PHACTR1: variants seen among roughly 807,000 people sequenced by gnomAD.
PHACTR1 encodes the protein phosphatase and actin regulator 1.
In PHACTR1, 16 loss-of-function variants were observed where a neutral mutation model predicts 69.2. The observed-to-expected ratio is 0.23, with a 90% confidence interval of 0.16 to 0.35. The LOEUF (loss-of-function observed/expected upper bound fraction) is 0.35, where lower values mean the gene tolerates loss of function less well. PHACTR1 is among the 10% of genes least tolerant of loss of function. PHACTR1 has a pLI of 1.00. For missense variants in PHACTR1, 510 were observed against 734.7 expected, an observed-to-expected ratio of 0.69 and a Z score of 3.54; for synonymous variants, 312 against 284.5, an observed-to-expected ratio of 1.10 and a Z score of -0.97.
At chr6:13,285,951 T>G (rs1781599395) in intron 13 of PHACTR1, among the ~76,000 whole-genome samples, 195 bp from the exon 14 acceptor site, 1 of 152,246 alleles carries the variant, frequency 6.6e-6, no homozygotes, top group Non-Finnish European at 1.5e-5. Flanking sequence ...ATTTGCAACT[T>G]AGATTTAGGG....
intron 4 of PHACTR1, among the ~76,000 whole-genome samples, chr6:12,818,071 C>T (rs1431260156): frequency 1.3e-5 from 2 of 152,188 alleles, no homozygotes; most frequent in Non-Finnish European, 2.9e-5. Context: ...GATCCACCTG[C>T]CTTGGCCTCC....
chr6:12,753,961 TATA>T lies in PHACTR1; in HGVS notation c.250+4172_250+4174del, dbSNP rs1444601318. On this transcript the variant is annotated intron_variant, in intron 4 of 14. Coordinates refer to ENST00000332995, the MANE Select transcript of PHACTR1 (RefSeq NM_030948.6). ...AGTTGTAAATATATATATATATATA[TATA>T]TATATATTTTTTTTTTGAGACAGAG... is the stretch of plus-strand genomic sequence containing the variant. Among the ~76,000 whole-genome samples, 785 of 119,748 alleles carry T rather than the reference TATA, an allele frequency of 6.6e-3. 12 individuals are homozygous for T. Among genetic ancestry groups the T allele is most frequent in the African/African-American group, 0.021 (722 of 33,738 alleles). 78.6% of individuals were successfully genotyped at this position (119,748 alleles called of 152,430 possible). A position where few individuals can be genotyped will look rare whatever the true frequency, so the allele number is the denominator to read the frequency against.
At chr6:13,012,868 A>T (rs892017347) in intron 4 of PHACTR1, among the ~76,000 whole-genome samples, 2 of 152,158 alleles carry the variant, frequency 1.3e-5, no homozygotes, top group Admixed American at 1.3e-4. Flanking sequence ...ATTACAAGTT[A>T]TTGAGCTTTG....
chr6:12,797,743 G>C (rs980876663), intron 4 of PHACTR1, among the ~76,000 whole-genome samples: 2 of 152,046 alleles, frequency 1.3e-5, no homozygotes, highest in Non-Finnish European at 2.9e-5. Flanking sequence ...CTTTTTGTCT[G>C]TCAACGCATC....
At chr6:12,805,730 A>G (rs1774246789) in intron 4 of PHACTR1, among the ~76,000 whole-genome samples, 1 of 151,884 alleles carries the variant, frequency 6.6e-6, no homozygotes, top group African/African-American at 2.4e-5. Context: ...TTTCCTGAGT[A>G]GCTGGGATTA....
intron 4 of PHACTR1, among the ~76,000 whole-genome samples, chr6:12,884,035 T>G (rs1379084140): frequency 6.8e-6 from 1 of 147,674 alleles, no homozygotes; most frequent in East Asian, 2.0e-4. Context: ...CATACACACA[T>G]GCATACATAT....
chr6:13,252,705 G>A (rs1040843394), intron 10 of PHACTR1, among the ~76,000 whole-genome samples: 3 of 151,958 alleles, frequency 2.0e-5, no homozygotes, highest in African/African-American at 7.3e-5. Flanking sequence ...AAAGAGTATC[G>A]GCCGCAGGAA....
chr6:12,924,608 A>T (rs1029507023), intron 4 of PHACTR1, among the ~76,000 whole-genome samples: 1 of 151,836 alleles, frequency 6.6e-6, no homozygotes, highest in African/African-American at 2.4e-5. Context: ...CCTTGTCTCT[A>T]CTAAAAATAC....
intron 4 of PHACTR1, among the ~76,000 whole-genome samples, chr6:12,844,601 G>C (rs1214155044): frequency 6.6e-6 from 1 of 151,952 alleles, no homozygotes; most frequent in Admixed American, 6.6e-5. Context: ...TATTTTGGTA[G>C]GCAAGTGTTC....
intron 3 of PHACTR1, among the ~76,000 whole-genome samples, chr6:12,722,547 C>A (rs1201894427): frequency 1.3e-5 from 2 of 152,146 alleles, no homozygotes; most frequent in African/African-American, 4.8e-5. Context: ...AAGAGGAATC[C>A]AGGAGGGTGA....
chr6:12,757,101 A>G (rs1012850864), intron 4 of PHACTR1, among the ~76,000 whole-genome samples: 1 of 152,244 alleles, frequency 6.6e-6, no homozygotes, highest in African/African-American at 2.4e-5. Context: ...AGGCAGACTA[A>G]GAGGGTACGG....
At chr6:12,830,076 G>A (rs1209019681) in intron 4 of PHACTR1, among the ~76,000 whole-genome samples, 8 of 107,352 alleles carry the variant, frequency 7.5e-5, no homozygotes, top group Admixed American at 2.8e-4. Flanking sequence ...AAAGAAAGAA[G>A]GAAGGAAGGA....
At chr6:13,185,029 C>A in intron 7 of PHACTR1, 3 of 1,334,320 alleles carry the variant, frequency 2.2e-6, no homozygotes, top group Non-Finnish European at 3.0e-6. Context: ...TCTTCTGGGG[C>A]AAGCAGTCCC....
At chr6:12,999,419 GA>G (rs1047319165) in intron 4 of PHACTR1, among the ~76,000 whole-genome samples, 7 of 152,166 alleles carry the variant, frequency 4.6e-5, no homozygotes, top group African/African-American at 1.7e-4. Flanking sequence ...CCAAGATGGT[GA>G]AACCCTGTCT....
intron 4 of PHACTR1, chr6:12,934,060 T>C: frequency 7.4e-7 from 1 of 1,355,084 alleles, no homozygotes; most frequent in Non-Finnish European, 9.8e-7. Flanking sequence ...AAGGTGTTGG[T>C]GGGGCCACGG....
chr6:12,958,706 T>G (rs1792226828), intron 4 of PHACTR1, among the ~76,000 whole-genome samples: 1 of 152,216 alleles, frequency 6.6e-6, no homozygotes, highest in South Asian at 2.1e-4. Flanking sequence ...TCTTTTTTAT[T>G]GTTTGGCCCC....
At chr6:12,749,830 G>GCTCC in intron 4 of PHACTR1, 40 bp downstream of exon 4, 1 of 1,482,858 alleles carries the variant, frequency 6.7e-7, no homozygotes, top group Non-Finnish European at 9.0e-7. Flanking sequence ...CCCCCGCCCT[G>GCTCC]CTCCCTCCCT....
At chr6:12,757,956 C>CAA (rs562685084) in intron 4 of PHACTR1, among the ~76,000 whole-genome samples, 1 of 152,044 alleles carries the variant, frequency 6.6e-6, no homozygotes, top group African/African-American at 2.4e-5. Context: ...TACTAAAATA[C>CAA]AAAAAATCAG....
chr6:12,746,951 T>C (rs1332354346), intron 3 of PHACTR1, among the ~76,000 whole-genome samples: 1 of 152,216 alleles, frequency 6.6e-6, no homozygotes, highest in Admixed American at 6.5e-5. Flanking sequence ...TCCTTACATT[T>C]TGCACTTCCT....
Sources: allele counts gnomAD v4.1 joint callset (sites outside exome capture counted in the v4.1 genomes callset), GRCh38; gene constraint gnomAD v4.1.1; transcripts MANE v1.5; gene names NCBI Gene and HGNC (gene_info 2026-07-23, HGNC 2026-07-21).